HPCAL1: variants seen among roughly 807,000 people sequenced by gnomAD.
HPCAL1 encodes hippocalcin-like protein 1.
A neutral mutation model predicts 17.1 loss-of-function variants in HPCAL1; 8 were observed. That is an observed-to-expected ratio of 0.47 (90% confidence interval 0.27 to 0.84). The LOEUF is 0.84. HPCAL1 is among the 40% of genes least tolerant of loss of function. The probability of loss-of-function intolerance (pLI) is 0.13; values close to 1 mark genes in which losing one functional copy is unlikely to be tolerated. For synonymous variants in HPCAL1, 112 were observed against 111.4 expected (o/e 1.01, Z -0.03); for missense variants, 165 against 271.1 (o/e 0.61, Z 2.75).
At position 10,310,211 on chromosome 2, in the gene HPCAL1, C is replaced by T. The variant is rs1282637218; in HGVS notation, c.-111+7034C>T. 2.0e-5 allele frequency among the ~76,000 whole-genome samples: 3 copies of T among 152,096 alleles called. No homozygotes were observed. Among genetic ancestry groups the T allele is most frequent in the Non-Finnish European group, 4.4e-5 (3 of 68,034 alleles). ...GCTCTGTTTACTGGCTGGTGATGTT[C>T]TCTGAGTCTGTTTGGTCATGTGCAG... is the stretch of plus-strand genomic sequence containing the variant. On this transcript the variant is annotated intron_variant, in intron 1 of 4. Transcript: ENST00000307845. The surrounding 1 kb of genome is among the most constrained non-coding windows in gnomAD (Gnocchi z 4.5).
Position 10,359,267 on chromosome 2 carries a change from G to T in HPCAL1, c.-110-37568G>T, listed in dbSNP as rs1341003809. On this transcript the variant is annotated intron_variant, in intron 1 of 4. Coordinates refer to ENST00000307845, the MANE Select transcript of HPCAL1 (RefSeq NM_002149.4). This position sits in a 1 kb window ranked among gnomAD's most constrained non-coding sequence, Gnocchi z 4.1. Reference sequence around the variant, plus strand: ...TGGTGTGTGCCTATGTTTGCTGCGGGCTGGCTCGGCGAGGGGGAGGTGGGC... The same window carrying T: ...TGGTGTGTGCCTATGTTTGCTGCGGTCTGGCTCGGCGAGGGGGAGGTGGGC... Among the ~76,000 whole-genome samples the T allele has an allele frequency of 1.3e-5, 2 of 152,158 alleles. No homozygotes were observed. Among genetic ancestry groups the T allele is most frequent in the South Asian group, 2.1e-4 (1 of 4,826 alleles).
At chr2:10,303,622 C>CG (rs58397182) in intron 1 of HPCAL1, 152,437 of 152,440 alleles carry the variant, frequency 1, 76,217 homozygotes, top group Middle Eastern at 1. Flanking sequence ...TGGGACCCGA[C>CG]GGGCAAGGGC....
At position 10,363,725 on chromosome 2, in the gene HPCAL1, C is replaced by T. The variant is rs887978; in HGVS notation, c.-110-33110C>T. Among the ~76,000 whole-genome samples, 513 of 152,326 alleles carry T rather than the reference C, an allele frequency of 3.4e-3. 3 individuals are homozygous for T. The highest frequency in any genetic ancestry group is 0.012 in the African/African-American group (499 of 41,564). On this transcript the variant is annotated intron_variant, in intron 1 of 4. Transcript: ENST00000307845. The surrounding 1 kb of genome is among the most constrained non-coding windows in gnomAD (Gnocchi z 4.7). ...CCGGAGGTGGCTCTGAGGCCAGCCA[C>T]AGTTTGGGCACGGCAAGGCTGGGGA...
chr2:10,349,399 A>G (rs1355315895), intron 1 of HPCAL1, among the ~76,000 whole-genome samples: 1 of 152,084 alleles, frequency 6.6e-6, no homozygotes, highest in African/African-American at 2.4e-5. Flanking sequence ...AAGATTATTA[A>G]AGAGGGGATC....
rs1383243253 is a variant in HPCAL1, at chr2:10,310,821, T to C, written c.-111+7644T>C. On this transcript the variant is annotated intron_variant, in intron 1 of 4. Coordinates refer to ENST00000307845, the MANE Select transcript of HPCAL1 (RefSeq NM_002149.4). This position sits in a 1 kb window ranked among gnomAD's most constrained non-coding sequence, Gnocchi z 4.5. ...GCAGTGTGTATCGACTGCAGCGCTC[T>C]TTTTCTCTAGCAGCAAAATGCTCAG... 6.6e-6 allele frequency among the ~76,000 whole-genome samples: 1 copy of C among 152,160 alleles called. No individual in the cohort carries two copies. The highest frequency in any genetic ancestry group is 1.5e-5 in the Non-Finnish European group (1 of 68,038).
At chr2:10,397,621 T>G (rs1669139795) in intron 2 of HPCAL1, among the ~76,000 whole-genome samples, 1 of 152,152 alleles carries the variant, frequency 6.6e-6, no homozygotes, top group Admixed American at 6.5e-5. Context: ...TCTCCCCCAG[T>G]GTTAGCCTGG....
chr2:10,325,243 C>T (rs1259944575), intron 1 of HPCAL1, among the ~76,000 whole-genome samples: 2 of 152,196 alleles, frequency 1.3e-5, no homozygotes, highest in Non-Finnish European at 2.9e-5. Context: ...TAGCTCACTG[C>T]AGCCTTGGCC....
intron 1 of HPCAL1, among the ~76,000 whole-genome samples, chr2:10,336,281 G>T (rs990580112): frequency 7.9e-5 from 12 of 152,090 alleles, no homozygotes; most frequent in African/African-American, 2.9e-4. Flanking sequence ...CTTTTGGGTG[G>T]ATTATCTTTT....
intron 1 of HPCAL1, among the ~76,000 whole-genome samples, chr2:10,315,337 G>A (rs1293242665): frequency 6.6e-6 from 1 of 151,762 alleles, no homozygotes; most frequent in Non-Finnish European, 1.5e-5. Context: ...TTTCATTTAT[G>A]TTTGGACGGG....
chr2:10,416,325 G>A (rs1054891072), intron 2 of HPCAL1, among the ~76,000 whole-genome samples: 1 of 152,226 alleles, frequency 6.6e-6, no homozygotes, highest in Admixed American at 6.5e-5. Context: ...GCACTGTGCA[G>A]TTCTGGGGGA....
chr2:10,391,328 C>T (rs912383362), intron 1 of HPCAL1, among the ~76,000 whole-genome samples: 9 of 152,350 alleles, frequency 5.9e-5, no homozygotes, highest in South Asian at 2.1e-4. Flanking sequence ...AAGCTCTACA[C>T]TCTGTCCCCT....
At chr2:10,385,891 T>C (rs953764797) in intron 1 of HPCAL1, among the ~76,000 whole-genome samples, 5 of 148,594 alleles carry the variant, frequency 3.4e-5, no homozygotes. Flanking sequence ...TTTGTCGGCC[T>C]CGTGTCGGGG....
chr2:10,334,362 G>T (rs1296439290), intron 1 of HPCAL1, among the ~76,000 whole-genome samples: 1 of 151,686 alleles, frequency 6.6e-6, no homozygotes, highest in African/African-American at 2.4e-5. Context: ...ACAACAGTTA[G>T]GTGGGTGCAG....
At chr2:10,329,537 C>T (rs904079976) in intron 1 of HPCAL1, among the ~76,000 whole-genome samples, 2 of 152,362 alleles carry the variant, frequency 1.3e-5, no homozygotes, top group Admixed American at 1.3e-4. Flanking sequence ...AACAGATCCA[C>T]CCTTAGGTCC....
intron 1 of HPCAL1, among the ~76,000 whole-genome samples, chr2:10,371,866 T>G (rs1667231633): frequency 6.6e-6 from 1 of 152,184 alleles, no homozygotes; most frequent in Non-Finnish European, 1.5e-5. Context: ...CGGGGGGTTT[T>G]CTGCTGCTCA....
At chr2:10,339,350 G>T (rs1664923571) in intron 1 of HPCAL1, among the ~76,000 whole-genome samples, 1 of 150,966 alleles carries the variant, frequency 6.6e-6, no homozygotes, top group South Asian at 2.1e-4. Flanking sequence ...CTGTCACCCA[G>T]GCTGGAGTGC....
chr2:10,402,226 AAAG>A (rs1312438481), intron 2 of HPCAL1, among the ~76,000 whole-genome samples: 3 of 152,168 alleles, frequency 2.0e-5, no homozygotes, highest in East Asian at 3.9e-4. Context: ...TAGGAGAAGG[AAAG>A]AAGGAGTTCC....
rs565328028 is a variant in HPCAL1 at position 10,303,334 on chromosome 2, G to A, written c.-111+157G>A. 2.6e-5 allele frequency among the ~76,000 whole-genome samples: 4 copies of A among 152,334 alleles called. No homozygotes were observed. In the South Asian group the frequency reaches 8.3e-4, roughly 32 times the overall value. ...GAGTGCCCGCGTTTCTCTGCGCGGT[G>A]GAGTTGTGGGTGACTGCGGACGGTG... On this transcript the variant is annotated intron_variant, in intron 1 of 4. Coordinates refer to ENST00000307845, the MANE Select transcript of HPCAL1 (RefSeq NM_002149.4).
intron 2 of HPCAL1, among the ~76,000 whole-genome samples, chr2:10,399,515 C>T (rs62130181): frequency 0.11 from 14,195 of 124,068 alleles, 1,520 homozygotes; most frequent in Non-Finnish European, 0.15. Flanking sequence ...CCACCACCGC[C>T]GCCACCACCG....
Sources: gnomAD v4.1 joint callset for allele counts (sites outside exome capture counted in the v4.1 genomes callset) on GRCh38, gnomAD v4.1.1 for gene constraint, Gnocchi (gnomAD v3.1) non-coding constraint, MANE v1.5 for transcripts, NCBI Gene and HGNC (gene_info 2026-07-23, HGNC 2026-07-21) for gene names.